Variants in MYO16 observed in about 807,000 individuals in gnomAD.
MYO16 encodes the protein myosin XVI, also known as unconventional myosin-XVI.
In MYO16, 94 loss-of-function variants were observed where a neutral mutation model predicts 205.3. The ratio of observed to expected loss-of-function variants is 0.46; its 90% CI spans 0.39 to 0.54. The LOEUF is 0.54. Among genes scored for constraint, MYO16 ranks in the 20% least tolerant of loss-of-function variants. MYO16 has a pLI of 0.00. For synonymous variants in MYO16, 988 were observed against 954.0 expected (o/e 1.04, Z -0.66); for missense variants, 2,315 against 2,387.5 (o/e 0.97, Z 0.63).
intron 10 of MYO16, among the ~76,000 whole-genome samples, chr13:108,849,525 TTGTGTG>T (rs112815062): frequency 7.0e-5 from 9 of 127,754 alleles, no homozygotes; most frequent in Admixed American, 2.4e-4. Flanking sequence ...ATTTCCTCCT[TTGTGTG>T]TGTGTGTGTG....
rs555413764 is a variant in MYO16, at chr13:109,046,264, C to G, written c.2797-652C>G. On this transcript the variant is annotated intron_variant, in intron 23 of 34. Transcript: ENST00000457511. ...TTTTAAAGAATGTATGGCTGATCAG[C>G]TTCCCATGACCACTGAGATTTCACA... 4.6e-5 allele frequency among the ~76,000 whole-genome samples: 7 copies of G among 152,242 alleles called. No individual in the cohort carries two copies. In the South Asian group the frequency reaches 1.5e-3, roughly 32 times the overall value.
chr13:108,695,097 AGT>A, intron 2 of MYO16, among the ~76,000 whole-genome samples: 1 of 152,216 alleles, frequency 6.6e-6, no homozygotes, highest in African/African-American at 2.4e-5. Context: ...GGGCAACAAG[AGT>A]GAAACTCCGT....
chr13:108,819,542 A>G (rs937758987), intron 7 of MYO16, among the ~76,000 whole-genome samples: 3 of 152,130 alleles, frequency 2.0e-5, no homozygotes, highest in Non-Finnish European at 4.4e-5. Flanking sequence ...GGAGAAACAC[A>G]TGAAGATGTC....
At chr13:108,794,394 C>G (rs1208568641) in intron 6 of MYO16, among the ~76,000 whole-genome samples, 1 of 152,200 alleles carries the variant, frequency 6.6e-6, no homozygotes, top group Non-Finnish European at 1.5e-5. Context: ...GATATATTTT[C>G]TTCAAGCCTT....
intron 4 of MYO16, among the ~76,000 whole-genome samples, chr13:108,746,316 A>AG (rs1281819315): frequency 6.6e-6 from 1 of 152,250 alleles, no homozygotes; most frequent in Non-Finnish European, 1.5e-5. Flanking sequence ...GACAGCCAGC[A>AG]GGACTTTCTA....
chr13:108,610,179 G>C (rs1400748101), intron 1 of MYO16, among the ~76,000 whole-genome samples: 2 of 152,128 alleles, frequency 1.3e-5, no homozygotes, highest in African/African-American at 4.8e-5. Flanking sequence ...GTAGTACAGA[G>C]TTTGTAGGAT....
chr13:108,970,294 T>A (rs1423524611), intron 20 of MYO16, among the ~76,000 whole-genome samples: 1 of 152,228 alleles, frequency 6.6e-6, no homozygotes, highest in Non-Finnish European at 1.5e-5. Context: ...AAAGCATGAC[T>A]TGTGGTATAA....
intron 21 of MYO16, among the ~76,000 whole-genome samples, chr13:109,006,809 A>G (rs1885401341): frequency 6.6e-6 from 1 of 152,146 alleles, no homozygotes; most frequent in Admixed American, 6.5e-5. Context: ...GGTCTGTAAA[A>G]CTGAGTAAGC....
intron 27 of MYO16, among the ~76,000 whole-genome samples, chr13:109,097,679 G>A (rs1888821851): frequency 6.6e-6 from 1 of 152,246 alleles, no homozygotes; most frequent in East Asian, 1.9e-4. Context: ...AAAATAATGA[G>A]CCACCTTTTT....
At chr13:108,975,845 G>A (rs189959436) in intron 20 of MYO16, among the ~76,000 whole-genome samples, 22 of 152,214 alleles carry the variant, frequency 1.4e-4, no homozygotes, top group Admixed American at 1.4e-3. Flanking sequence ...TCACATTTAA[G>A]TGTTTTCTGC....
the MYO16 span, among the ~76,000 whole-genome samples, chr13:108,529,316 G>A: frequency 3.3e-5 from 5 of 152,254 alleles, no homozygotes; most frequent in Admixed American, 6.5e-5. Flanking sequence ...AAACTAGCAT[G>A]AGCCTTGAGG....
chr13:109,131,873 A>G (rs950606904), intron 31 of MYO16, among the ~76,000 whole-genome samples: 7 of 152,162 alleles, frequency 4.6e-5, no homozygotes, highest in Non-Finnish European at 8.8e-5. Context: ...CTGAAGTTAA[A>G]TATAAGCCTG....
At chr13:108,574,886 A>G in the MYO16 span, among the ~76,000 whole-genome samples, 4 of 152,052 alleles carry the variant, frequency 2.6e-5, no homozygotes, top group Non-Finnish European at 5.9e-5. Context: ...TAGTTCTATT[A>G]TAAGGTGTAC....
chr13:108,726,639 T>C (rs1263315145), intron 3 of MYO16, among the ~76,000 whole-genome samples: 1 of 151,696 alleles, frequency 6.6e-6, no homozygotes, highest in Non-Finnish European at 1.5e-5. Context: ...CAAATAAATA[T>C]CTGGGACTTT....
At chr13:109,190,705 A>G (rs894385880) in intron 34 of MYO16, among the ~76,000 whole-genome samples, 2 of 152,180 alleles carry the variant, frequency 1.3e-5, no homozygotes, top group African/African-American at 4.8e-5. Flanking sequence ...GTGAAGTCAC[A>G]TTTTATTCAG....
intron 1 of MYO16, among the ~76,000 whole-genome samples, chr13:108,642,604 G>C (rs1880555065): frequency 6.6e-6 from 1 of 152,026 alleles, no homozygotes; most frequent in South Asian, 2.1e-4. Flanking sequence ...TTTTAGTAGA[G>C]ACAGGGTTTC....
intron 21 of MYO16, among the ~76,000 whole-genome samples, chr13:109,002,370 A>T (rs1885245942): frequency 6.6e-6 from 1 of 152,176 alleles, no homozygotes; most frequent in Non-Finnish European, 1.5e-5. Context: ...TTACTCAAGA[A>T]ATTGTTTGTC....
intron 9 of MYO16, among the ~76,000 whole-genome samples, chr13:108,834,939 TAAAG>T (rs528057882): frequency 1.1e-4 from 17 of 151,968 alleles, no homozygotes; most frequent in East Asian, 7.7e-4. Flanking sequence ...GTTTTATTGT[TAAAG>T]AAAGAGAGAA....
intron 11 of MYO16, among the ~76,000 whole-genome samples, chr13:108,862,267 T>G (rs889188974): frequency 3.3e-5 from 5 of 152,108 alleles, no homozygotes; most frequent in African/African-American, 1.2e-4. Flanking sequence ...GGGAAAGGAT[T>G]ATTGTGGTTT....
Sources: allele counts gnomAD v4.1 joint callset (sites outside exome capture counted in the v4.1 genomes callset), GRCh38; gene constraint gnomAD v4.1.1; transcripts MANE v1.5; gene names NCBI Gene and HGNC (gene_info 2026-07-23, HGNC 2026-07-21).